Variants in PPFIBP1 observed in about 807,000 individuals in gnomAD.
The protein encoded by PPFIBP1 is liprin-beta-1.
PPFIBP1 carries 112 observed loss-of-function variants against 137.8 expected under a neutral mutation model. That is an observed-to-expected ratio of 0.81 (90% confidence interval 0.70 to 0.95). The LOEUF (loss-of-function observed/expected upper bound fraction) is 0.95, where lower values mean the gene tolerates loss of function less well. PPFIBP1 is among the 40% of genes least tolerant of loss of function. The pLI is 0.00. For synonymous variants in PPFIBP1, 378 were observed against 417.3 expected, an observed-to-expected ratio of 0.91 and a Z score of 1.15; for missense variants, 1,083 against 1,196.6, an observed-to-expected ratio of 0.91 and a Z score of 1.40.
chr12:27,667,350 T>G, intron 13 of PPFIBP1, 30 bp downstream of exon 13: 1 of 1,532,410 alleles, frequency 6.5e-7, no homozygotes, highest in South Asian at 1.3e-5. Flanking sequence ...ATTTCCTTTA[T>G]GTTGAAGAGA....
At chr12:27,625,397 T>C (rs1349617387) in intron 2 of PPFIBP1, among the ~76,000 whole-genome samples, 1 of 152,124 alleles carries the variant, frequency 6.6e-6, no homozygotes, top group Non-Finnish European at 1.5e-5. Context: ...AAATTCCAAA[T>C]GTTGTATCAT....
intron 1 of PPFIBP1, 79 bp from the exon 2 acceptor site, chr12:27,578,073 T>C (rs1198822883): frequency 6.6e-6 from 1 of 152,240 alleles, no homozygotes; most frequent in African/African-American, 2.4e-5. Context: ...ATTCTTTATA[T>C]AATCAGCCAT....
At position 27,551,116 on chromosome 12, in the gene PPFIBP1, G is replaced by A. The variant is rs574660780; in HGVS notation, c.-124+26751G>A. 2.6e-5 allele frequency among the ~76,000 whole-genome samples: 4 copies of A among 151,992 alleles called. 1 individual carries two copies. The highest frequency in any genetic ancestry group is 4.8e-5 in the African/African-American group (2 of 41,424). On this transcript the variant is annotated intron_variant, in intron 1 of 29. Transcript: ENST00000228425. ...GATCTTCTCCAAGATCACATAGCTT[G>A]TAGTAAAAGTCAATCTGCACCATGG... is the stretch of plus-strand genomic sequence containing the variant.
intron 2 of PPFIBP1, among the ~76,000 whole-genome samples, chr12:27,598,878 T>TA (rs776552674): frequency 2.7e-4 from 41 of 152,204 alleles, no homozygotes; most frequent in Admixed American, 5.9e-4. Context: ...GGATTACAAT[T>TA]TTACATCGTC....
chr12:27,674,765 A>G (rs943508815), intron 17 of PPFIBP1, among the ~76,000 whole-genome samples: 6 of 148,344 alleles, frequency 4.0e-5, no homozygotes, highest in African/African-American at 7.4e-5. Flanking sequence ...ACATTTTGGT[A>G]TGTTTAAAGA....
chr12:27,638,679 G>C (rs1472766375), intron 4 of PPFIBP1, among the ~76,000 whole-genome samples: 1 of 152,212 alleles, frequency 6.6e-6, no homozygotes, highest in African/African-American at 2.4e-5. Context: ...CCTTTGCAAT[G>C]AGGGAAGGAG....
At chr12:27,530,057 G>T (rs536523588) in intron 1 of PPFIBP1, among the ~76,000 whole-genome samples, 115 of 152,288 alleles carry the variant, frequency 7.6e-4, no homozygotes, top group African/African-American at 2.6e-3. Context: ...TAGAAAAAAT[G>T]AAAACAAGGT....
chr12:27,681,991 GT>G (rs11325648), intron 22 of PPFIBP1, among the ~76,000 whole-genome samples: 150,589 of 151,330 alleles, frequency 1, 74,935 homozygotes, highest in East Asian at 1. Context: ...TCATTGGCCT[GT>G]TTTTCTCAGT....
chr12:27,599,699 T>A (rs191708783), intron 2 of PPFIBP1, among the ~76,000 whole-genome samples: 5 of 152,348 alleles, frequency 3.3e-5, no homozygotes, highest in African/African-American at 7.2e-5. Flanking sequence ...ATCCTGAACC[T>A]GTGATGGGAT....
intron 1 of PPFIBP1, among the ~76,000 whole-genome samples, chr12:27,539,182 A>G (rs1054162965): frequency 7.9e-5 from 12 of 152,126 alleles, no homozygotes; most frequent in South Asian, 6.2e-4. Flanking sequence ...AAAGACTGCA[A>G]AATCATACTT....
chr12:27,533,440 G>A (rs1944623935), intron 1 of PPFIBP1, among the ~76,000 whole-genome samples: 1 of 152,128 alleles, frequency 6.6e-6, no homozygotes, highest in Admixed American at 6.5e-5. Flanking sequence ...TGAGGCACAA[G>A]GAGGCTAAGT....
intron 1 of PPFIBP1, among the ~76,000 whole-genome samples, chr12:27,546,094 TGTG>T (rs1217417101): frequency 1.3e-5 from 2 of 152,186 alleles, no homozygotes; most frequent in Non-Finnish European, 2.9e-5. Flanking sequence ...AATATTAATC[TGTG>T]GTATGAAGGT....
chr12:27,692,042 A>C (rs1009618737), intron 28 of PPFIBP1, 114 bp downstream of exon 28: 2 of 881,002 alleles, frequency 2.3e-6, no homozygotes, highest in South Asian at 4.3e-5. Context: ...CTAAAAATAC[A>C]GATAATAATA....
intron 17 of PPFIBP1, among the ~76,000 whole-genome samples, chr12:27,675,628 TAGA>T (rs2060469933): frequency 6.6e-6 from 1 of 152,204 alleles, no homozygotes. Context: ...TATCCATATG[TAGA>T]AGAATGAAAT....
intron 1 of PPFIBP1, among the ~76,000 whole-genome samples, chr12:27,561,590 C>T (rs1353379384): frequency 6.6e-6 from 1 of 152,154 alleles, no homozygotes; most frequent in East Asian, 1.9e-4. Context: ...GGAAATCAGT[C>T]TTTAAAATGG....
intron 1 of PPFIBP1, among the ~76,000 whole-genome samples, chr12:27,543,265 T>C (rs1945858736): frequency 6.6e-6 from 1 of 152,260 alleles, no homozygotes; most frequent in Non-Finnish European, 1.5e-5. Context: ...ATAAATACTT[T>C]AATTTAGAAT....
intron 1 of PPFIBP1, among the ~76,000 whole-genome samples, chr12:27,527,678 C>T (rs747545103): frequency 1.1e-4 from 17 of 152,096 alleles, no homozygotes; most frequent in South Asian, 4.1e-4. Context: ...AAAGAAACGT[C>T]GCTTCAAGGC....
At chr12:27,537,342 A>C (rs1188529381) in intron 1 of PPFIBP1, among the ~76,000 whole-genome samples, 1 of 152,176 alleles carries the variant, frequency 6.6e-6, no homozygotes, top group Non-Finnish European at 1.5e-5. Context: ...TATGTTGGCC[A>C]GGCTGGTCTC....
intron 4 of PPFIBP1, among the ~76,000 whole-genome samples, chr12:27,639,850 G>A (rs1337694140): frequency 6.6e-6 from 1 of 152,168 alleles, no homozygotes; most frequent in East Asian, 1.9e-4. Context: ...CATGCTCTCT[G>A]CAGGGCTGCT....
Sources: allele counts gnomAD v4.1 joint callset (sites outside exome capture counted in the v4.1 genomes callset), GRCh38; gene constraint gnomAD v4.1.1; transcripts MANE v1.5; gene names NCBI Gene and HGNC (gene_info 2026-07-23, HGNC 2026-07-21).